The following GFAP variants were observed in gnomAD, a reference collection of about 807,000 sequenced individuals.
The protein encoded by GFAP is intermediate filament protein.
In GFAP, 38 loss-of-function variants were observed where a neutral mutation model predicts 49.3. The observed-to-expected ratio is 0.77, with a 90% confidence interval of 0.60 to 1.01. The LOEUF (loss-of-function observed/expected upper bound fraction) is 1.01, where lower values mean the gene tolerates loss of function less well. Ranked by LOEUF, GFAP falls within the 50% of genes least tolerant of loss-of-function variation. The pLI is 0.00. For missense variants in GFAP, 463 were observed against 579.1 expected, an observed-to-expected ratio of 0.80 and a Z score of 2.06; for synonymous variants, 222 against 236.4, an observed-to-expected ratio of 0.94 and a Z score of 0.56.
At position 44,904,882 on chromosome 17, in the gene GFAP, A is replaced by G; in HGVS notation, c.*2465T>C. The G allele has an allele frequency of 6.4e-7, 1 of 1,550,616 alleles. No homozygotes were observed. Among genetic ancestry groups the G allele is most frequent in the Non-Finnish European group, 8.7e-7 (1 of 1,146,976 alleles). On this transcript the variant is annotated 3_prime_UTR_variant, in exon 9 of 9. Coordinates refer to ENST00000588735, the MANE Select transcript of GFAP (RefSeq NM_002055.5). Reference sequence around the variant, plus strand: ...ACTATTGCTGGAGGCAGGGTGTGCTAGTTGCTGGCTTCCGGCTGGGTGTGA... The same window carrying G: ...ACTATTGCTGGAGGCAGGGTGTGCTGGTTGCTGGCTTCCGGCTGGGTGTGA...
At chr17:44,913,463 C>T in intron 3 of GFAP, 33 bp from the exon 4 acceptor site, 1 of 1,603,194 alleles carries the variant, frequency 6.2e-7, no homozygotes, top group Non-Finnish European at 8.5e-7. Context: ...TACCAGGGCT[C>T]AGGGTACAGG....
chr17:44,903,603 C>G lies in GFAP; in HGVS notation c.*3744G>C. 1.4e-6 allele frequency: 2 copies of G among 1,405,566 alleles called. No individual in the cohort carries two copies. Among genetic ancestry groups the G allele is most frequent in the Non-Finnish European group, 9.2e-7 (1 of 1,086,838 alleles). 87.1% of individuals were successfully genotyped at this position (1,405,566 alleles called of 1,614,324 possible). On this transcript the variant is annotated 3_prime_UTR_variant, in exon 9 of 9. Transcript: ENST00000588735. Reference sequence around the variant, plus strand: ...GCCAGGTTCTAGAATGGCTTTCCCCCCCCACCCTGAGATCAGGTCTGGAAT... The same window carrying G: ...GCCAGGTTCTAGAATGGCTTTCCCCGCCCACCCTGAGATCAGGTCTGGAAT...
At chr17:44,913,182 G>C in intron 4 of GFAP, 87 bp downstream of exon 4, 1 of 1,327,768 alleles carries the variant, frequency 7.5e-7, no homozygotes, top group Non-Finnish European at 1.1e-6. Context: ...TATTCTCCCA[G>C]CTTCCTCCAC....
chr17:44,912,977 G>T (rs946219298), intron 4 of GFAP: 3 of 442,836 alleles, frequency 6.8e-6, no homozygotes, highest in Non-Finnish European at 1.3e-5. Flanking sequence ...TCTCTCATCT[G>T]TCAAAGAACA....
In GFAP at chr17:44,904,932, C is replaced by G; in HGVS notation, c.*2415G>C. ...ACATCTCATGGGCACTACCCAGCCT[C>G]GTTCTCAGATCCTGAGACTCGCTCG... is the stretch of plus-strand genomic sequence containing the variant. On this transcript the variant is annotated 3_prime_UTR_variant, in exon 9 of 9. Coordinates refer to ENST00000588735, the MANE Select transcript of GFAP (RefSeq NM_002055.5). 6.4e-7 allele frequency: 1 copy of G among 1,550,652 alleles called. No homozygotes were observed. Among genetic ancestry groups the G allele is most frequent in the Non-Finnish European group, 8.7e-7 (1 of 1,147,016 alleles).
intron 1 of GFAP, chr17:44,914,372 C>G (rs1412504761): frequency 1.5e-5 from 7 of 482,356 alleles, no homozygotes; most frequent in Non-Finnish European, 2.2e-5. Context: ...GTTGCACACA[C>G]ACACACACAC....
intron 1 of GFAP, chr17:44,914,380 CA>C: frequency 2.1e-6 from 1 of 468,496 alleles, no homozygotes; most frequent in Non-Finnish European, 3.9e-6. Flanking sequence ...CACACACACA[CA>C]CACGCACATG....
At position 44,911,361 on chromosome 17, in the gene GFAP, CT is replaced by C; in HGVS notation, c.1001del (p.Glu334GlyfsTer37). On this transcript the variant is annotated frameshift_variant, in exon 6 of 9. Coordinates refer to ENST00000588735, the MANE Select transcript of GFAP (RefSeq NM_002055.5). LOFTEE classifies it high-confidence loss of function. ...YQEALARLEEEGQSLKDEMAR... is the reference protein window; with the variant it reads ...YQEALARLEEXGQSLKDEMAR... ...CCATCTCGTCCTTGAGGCTCTGCCCCTCTTCCTCCAGCCGCGCCAGCGCCTC... is the reference window on the plus strand; with the variant it reads ...CCATCTCGTCCTTGAGGCTCTGCCCCCTTCCTCCAGCCGCGCCAGCGCCTC... 6.2e-7 allele frequency: 1 copy of C among 1,614,202 alleles called. No individual in the cohort carries two copies. Among genetic ancestry groups the C allele is most frequent in the Non-Finnish European group, 8.5e-7 (1 of 1,180,006 alleles).
Position 44,903,556 on chromosome 17 carries a change from T to C in GFAP, c.*3791A>G, listed in dbSNP as rs557164647. On this transcript the variant is annotated 3_prime_UTR_variant, in exon 9 of 9. Coordinates refer to ENST00000588735, the MANE Select transcript of GFAP (RefSeq NM_002055.5). ...TGACCCATTCTTGGGTGAGCGCCAG[T>C]GTTCTAGAAAGGGGAGTAAAGGCCA... The C allele has an allele frequency of 4.5e-5, 61 of 1,361,100 alleles. No individual in the cohort carries two copies. In the African/African-American group the frequency reaches 8.0e-4, roughly 18 times the overall value. The allele number at this position is 1,361,100 out of a possible 1,614,324, so 84.3% of individuals were successfully genotyped here.
At chr17:44,907,901 C>G (rs757158635) in intron 8 of GFAP, 163 bp downstream of exon 8, 2 of 744,990 alleles carry the variant, frequency 2.7e-6, no homozygotes, top group Non-Finnish European at 2.5e-6. Flanking sequence ...ACTGAGGAAA[C>G]GGAATTACAT....
In GFAP at chr17:44,904,003, AGAG is replaced by A; in HGVS notation, c.*3341_*3343del. On this transcript the variant is annotated 3_prime_UTR_variant, in exon 9 of 9. Coordinates refer to ENST00000588735, the MANE Select transcript of GFAP (RefSeq NM_002055.5). ...AGCTTCCCTGTCACTGCAAACCCGA[AGAG>A]GTGCCAGCTGTAGTCTGGTTCTACC... The A allele has an allele frequency of 6.4e-7, 1 of 1,550,630 alleles. No individual in the cohort carries two copies. The highest frequency in any genetic ancestry group is 8.7e-7 in the Non-Finnish European group (1 of 1,147,006).
Position 44,913,799 on chromosome 17 carries a change from GGGCC to G in GFAP, c.543_546del (p.Ala182ValfsTer18). The G allele has an allele frequency of 6.2e-7, 1 of 1,614,098 alleles. No individual in the cohort carries two copies. Among genetic ancestry groups the G allele is most frequent in the Non-Finnish European group, 8.5e-7 (1 of 1,179,936 alleles). Reference sequence around the variant, plus strand: ...TCAATCTTCCTCTCCAGATCCAGACGGGCCAGGGTGGCTTCATCTGCTTCCTGGA... The same window carrying G: ...TCAATCTTCCTCTCCAGATCCAGACGAGGGTGGCTTCATCTGCTTCCTGGA... On this transcript the variant is annotated frameshift_variant, in exon 3 of 9. Transcript: ENST00000588735. LOFTEE classifies it high-confidence loss of function.
intron 7 of GFAP, 156 bp downstream of exon 7, chr17:44,910,459 T>C (rs532994620): frequency 2.6e-6 from 4 of 1,562,422 alleles, no homozygotes; most frequent in African/African-American, 1.4e-5. Flanking sequence ...CCTGGTATGA[T>C]AGGCTCTGGC....
Position 44,903,235 on chromosome 17 carries a change from C to T in GFAP, c.*4112G>A, listed in dbSNP as rs2051592144. 4 of 1,254,748 alleles carry T rather than the reference C, an allele frequency of 3.2e-6. 1 individual carries two copies. In the South Asian group the frequency reaches 1.5e-4, roughly 47 times the overall value. The allele number at this position is 1,254,748 out of a possible 1,614,324, so 77.7% of individuals were successfully genotyped here. ...CTCTTAACAAGAATGTTTATAGCCCCAAACCAATGAATGGACATGTAATCA... is the reference window on the plus strand; with the variant it reads ...CTCTTAACAAGAATGTTTATAGCCCTAAACCAATGAATGGACATGTAATCA... On this transcript the variant is annotated 3_prime_UTR_variant, in exon 9 of 9. Transcript: ENST00000588735.
rs956193687 is a variant in GFAP at position 44,905,980 on chromosome 17, A to G, written c.*1367T>C. The G allele has an allele frequency of 1.3e-5, 2 of 152,228 alleles. No individual in the cohort carries two copies. The highest frequency in any genetic ancestry group is 2.4e-5 in the African/African-American group (1 of 41,452). The allele number at this position is 152,228 out of a possible 1,614,324, so 9.4% of individuals were successfully genotyped here. On this transcript the variant is annotated 3_prime_UTR_variant, in exon 9 of 9. Transcript: ENST00000588735. ...ACTTTGCTCGTGCCTCAGTTTTACA[A>G]TTGTAAAATAGGGCACTACCTAGAA... is the stretch of plus-strand genomic sequence containing the variant.
chr17:44,910,273 G>T, intron 7 of GFAP: 1 of 1,613,894 alleles, frequency 6.2e-7, no homozygotes, highest in Non-Finnish European at 8.5e-7. Flanking sequence ...GTAGTGACAA[G>T]CAGTTAAAAA....
Position 44,911,771 on chromosome 17 carries a change from G to C in GFAP, c.807C>G (p.Ala269=). 2 of 1,613,774 alleles carry C rather than the reference G, an allele frequency of 1.2e-6. No individual in the cohort carries two copies. Among genetic ancestry groups the C allele is most frequent in the Non-Finnish European group, 1.7e-6 (2 of 1,179,950 alleles). The change falls in exon 5 of 9, where the codon GCC becomes GCG. Residue 269 remains alanine (A), a synonymous_variant. Coordinates refer to ENST00000588735, the MANE Select transcript of GFAP (RefSeq NM_002055.5). ...CCTGGCGGAGCAGCTCCGCGTTGCG[G>C]GCAGCAGCGTCTGTCAGGTCTGCAA... ...SKFADLTDAA[A]RNAELLRQAK...
intron 4 of GFAP, 46 bp downstream of exon 4, chr17:44,913,223 A>T: frequency 6.3e-7 from 1 of 1,589,158 alleles, no homozygotes; most frequent in Non-Finnish European, 8.6e-7. Flanking sequence ...GTACAGAGCA[A>T]GAAGGGCTGC....
rs758676306 is a variant in GFAP at position 44,913,257 on chromosome 17, A to G, written c.780+12T>C. The G allele has an allele frequency of 1.2e-6, 2 of 1,613,608 alleles. No homozygotes were observed. Among genetic ancestry groups the G allele is most frequent in the Admixed American group, 1.7e-5 (1 of 60,004 alleles). On this transcript the variant is annotated intron_variant, in intron 4 of 8. Transcript: ENST00000588735. ...GCCTGGAGGAGGCAGGCTGGCCCAC[A>G]GGCAGGGCTACCTTGGAGCGGTACC...
Sources: gnomAD v4.1 joint callset for allele counts on GRCh38, gnomAD v4.1.1 for gene constraint, MANE v1.5 for transcripts, NCBI Gene and HGNC (gene_info 2026-07-23, HGNC 2026-07-21) for gene names.